Variants in SHANK2 observed in about 807,000 individuals in gnomAD.
The protein encoded by SHANK2 is SH3 and multiple ankyrin repeat domains 2, also known as SH3 and multiple ankyrin repeat domains protein 2.
In SHANK2, 43 loss-of-function variants were observed where a neutral mutation model predicts 133.7. The observed-to-expected ratio is 0.32, with a 90% confidence interval of 0.25 to 0.41. The LOEUF is 0.41. SHANK2 is among the 10% of genes least tolerant of loss of function. The pLI, the probability that SHANK2 is intolerant of heterozygous loss-of-function variation, is 1.00. For missense variants in SHANK2, 1,994 were observed against 2,235.8 expected, an observed-to-expected ratio of 0.89 and a Z score of 2.18; for synonymous variants, 1,017 against 952.8, an observed-to-expected ratio of 1.07 and a Z score of -1.24.
chr11:70,663,570 C>A (rs1487094501), intron 15 of SHANK2, among the ~76,000 whole-genome samples: 1 of 152,168 alleles, frequency 6.6e-6, no homozygotes, highest in African/African-American at 2.4e-5. Context: ...CAGGAATAGC[C>A]CAGCATGAAT....
At chr11:70,571,124 G>C (rs552913988) in intron 17 of SHANK2, among the ~76,000 whole-genome samples, 1 of 152,264 alleles carries the variant, frequency 6.6e-6, no homozygotes, top group Admixed American at 6.5e-5. Context: ...ACCCTGTCCA[G>C]CCTCTCCCCC....
At chr11:71,203,959 C>T (rs902528737) in intron 2 of SHANK2, among the ~76,000 whole-genome samples, 7 of 152,270 alleles carry the variant, frequency 4.6e-5, no homozygotes, top group African/African-American at 1.7e-4. Flanking sequence ...GGAAAGCGGG[C>T]GCCTGGTCTC....
chr11:70,605,947 T>C (rs4980625), intron 17 of SHANK2, among the ~76,000 whole-genome samples: 1 of 151,754 alleles, frequency 6.6e-6, no homozygotes, highest in South Asian at 2.1e-4. Context: ...CAACCTATTA[T>C]TCCCCCCCCT....
chr11:70,702,542 C>T (rs1413689846), intron 14 of SHANK2, among the ~76,000 whole-genome samples: 5 of 152,076 alleles, frequency 3.3e-5, no homozygotes, highest in African/African-American at 7.2e-5. Context: ...TCATCACTAG[C>T]GTCATCACCA....
intron 14 of SHANK2, among the ~76,000 whole-genome samples, chr11:70,753,148 A>T (rs2134910469): frequency 6.6e-6 from 1 of 151,208 alleles, no homozygotes; most frequent in East Asian, 1.9e-4. Flanking sequence ...CAAAACAAAC[A>T]TGAGGCAGAA....
chr11:71,107,801 C>T (rs1312496452), intron 6 of SHANK2, among the ~76,000 whole-genome samples: 3 of 152,158 alleles, frequency 2.0e-5, no homozygotes, highest in South Asian at 2.1e-4. Flanking sequence ...ACCTTAAAGT[C>T]GAGACATTAA....
chr11:70,933,659 C>T (rs1555082912), intron 10 of SHANK2, among the ~76,000 whole-genome samples: 1 of 152,134 alleles, frequency 6.6e-6, no homozygotes, highest in Admixed American at 6.5e-5. Context: ...GTGGCTCATG[C>T]CTGTAATCCC....
At chr11:70,860,846 TC>T (rs1949247188) in intron 11 of SHANK2, among the ~76,000 whole-genome samples, 1 of 152,046 alleles carries the variant, frequency 6.6e-6, no homozygotes, top group Non-Finnish European at 1.5e-5. Flanking sequence ...CATGGCAAAA[TC>T]CCATCTCTAT....
At position 70,678,164 on chromosome 11, in the gene SHANK2, T is replaced by G. The variant is rs144468689; in HGVS notation, c.1854-16486A>C. 1.4e-4 allele frequency among the ~76,000 whole-genome samples: 21 copies of G among 152,352 alleles called. No individual in the cohort carries two copies. In the East Asian group the frequency reaches 4.0e-3, roughly 29 times the overall value. Reference sequence around the variant, plus strand: ...TGTTGTGTTGTTGTTTGTTTGTTTTTGAAACAGAGTCTCACTCTGTCACCC... The same window carrying G: ...TGTTGTGTTGTTGTTTGTTTGTTTTGGAAACAGAGTCTCACTCTGTCACCC... On this transcript the variant is annotated intron_variant, in intron 15 of 25. Transcript: ENST00000601538.
At chr11:71,201,640 A>C (rs1455433218) in intron 2 of SHANK2, among the ~76,000 whole-genome samples, 2 of 152,206 alleles carry the variant, frequency 1.3e-5, no homozygotes, top group Non-Finnish European at 2.9e-5. Context: ...CCCATTTTAC[A>C]GATAAGAAAA....
At chr11:70,862,454 C>T (rs782278037) in intron 11 of SHANK2, among the ~76,000 whole-genome samples, 1 of 152,194 alleles carries the variant, frequency 6.6e-6, no homozygotes, top group Admixed American at 6.5e-5. Context: ...AAGTGCAATA[C>T]GTCAGTTGGT....
At chr11:70,720,199 G>A (rs1343972598) in intron 14 of SHANK2, among the ~76,000 whole-genome samples, 1 of 152,172 alleles carries the variant, frequency 6.6e-6, no homozygotes, top group Non-Finnish European at 1.5e-5. Flanking sequence ...CATAAACACC[G>A]ACTACCTGCA....
intron 1 of SHANK2, among the ~76,000 whole-genome samples, chr11:71,244,135 C>CA (rs1396753885): frequency 6.6e-6 from 1 of 152,220 alleles, no homozygotes; most frequent in African/African-American, 2.4e-5. Flanking sequence ...AAGCCTGCCT[C>CA]ACTCTATAAA....
chr11:70,521,676 G>C (rs1484769847), intron 17 of SHANK2, among the ~76,000 whole-genome samples: 1 of 152,024 alleles, frequency 6.6e-6, no homozygotes, highest in Non-Finnish European at 1.5e-5. Flanking sequence ...GTGTGTGGGT[G>C]AGTGTGAGCA....
intron 9 of SHANK2, among the ~76,000 whole-genome samples, chr11:71,071,937 C>A (rs1951148306): frequency 6.6e-6 from 1 of 152,220 alleles, no homozygotes; most frequent in Non-Finnish European, 1.5e-5. Context: ...CCTCTGAGAT[C>A]TCCCTCTGTT....
intron 2 of SHANK2, among the ~76,000 whole-genome samples, chr11:71,165,391 C>T (rs11232365): frequency 6.6e-6 from 1 of 152,144 alleles, no homozygotes; most frequent in East Asian, 1.9e-4. Flanking sequence ...TAAACTATTG[C>T]GCTAACCTCA....
At chr11:71,122,966 G>A (rs1302907993) in intron 3 of SHANK2, among the ~76,000 whole-genome samples, 1 of 152,126 alleles carries the variant, frequency 6.6e-6, no homozygotes, top group Non-Finnish European at 1.5e-5. Context: ...TGAATCACCT[G>A]CCACTAATTG....
At chr11:70,837,015 G>C (rs1187896661) in intron 11 of SHANK2, among the ~76,000 whole-genome samples, 1 of 152,158 alleles carries the variant, frequency 6.6e-6, no homozygotes, top group Non-Finnish European at 1.5e-5. Flanking sequence ...GGCTCAACCA[G>C]AAGGCTGCCG....
At position 70,659,867 on chromosome 11, in the gene SHANK2, C is replaced by G. The variant is rs141960453; in HGVS notation, c.2022G>C (p.Ala674=). ...YLESVDEGGV[A]WQAGLRTGDF... Reference sequence around the variant, plus strand: ...CCCCGGTCCTTAGTCCGGCTTGCCACGCCACCCCACCTTCATCCACGGACT... The same window carrying G: ...CCCCGGTCCTTAGTCCGGCTTGCCAGGCCACCCCACCTTCATCCACGGACT... Residue 674 remains alanine, a synonymous_variant, in exon 17 of 26, where the codon GCG becomes GCC. Transcript: ENST00000601538. 1.2e-6 allele frequency: 2 copies of G among 1,614,182 alleles called. No individual in the cohort carries two copies. Among genetic ancestry groups the G allele is most frequent in the Non-Finnish European group, 1.7e-6 (2 of 1,180,046 alleles).
Sources: allele counts gnomAD v4.1 joint callset (sites outside exome capture counted in the v4.1 genomes callset), GRCh38; gene constraint gnomAD v4.1.1; transcripts MANE v1.5; gene names NCBI Gene and HGNC (gene_info 2026-07-23, HGNC 2026-07-21).